The following VRTN variants were observed in gnomAD, a reference collection of about 807,000 sequenced individuals.
VRTN encodes vertebrae development associated, also known as vertnin.
VRTN carries 5 observed loss-of-function variants against 18.2 expected under a neutral mutation model. The observed-to-expected ratio is 0.27, with a 90% CI of 0.14 to 0.58. VRTN has a LOEUF of 0.58. Among genes scored for constraint, VRTN ranks in the 20% least tolerant of loss-of-function variants. VRTN has a pLI of 0.91. For missense variants in VRTN, 741 were observed against 939.4 expected (o/e 0.79, Z 2.76); for synonymous variants, 381 against 393.7 (o/e 0.97, Z 0.38).
intron 1 of VRTN, among the ~76,000 whole-genome samples, chr14:74,350,210 C>T (rs920852271): frequency 6.6e-6 from 1 of 152,158 alleles, no homozygotes; most frequent in Non-Finnish European, 1.5e-5. Context: ...CGGCCCTATT[C>T]TCTGGTGGGC....
At chr14:74,350,844 G>T (rs1282700924) in intron 1 of VRTN, among the ~76,000 whole-genome samples, 1 of 152,210 alleles carries the variant, frequency 6.6e-6, no homozygotes, top group Non-Finnish European at 1.5e-5. Flanking sequence ...AACTCCAAAT[G>T]CTTGAGGGTG....
chr14:74,320,475 G>A (rs991375908), intron 1 of VRTN, among the ~76,000 whole-genome samples: 5 of 147,854 alleles, frequency 3.4e-5, no homozygotes, highest in East Asian at 2.0e-4. Flanking sequence ...TGTTAGCCAG[G>A]ATGGTCTCGA....
chr14:74,310,874 G>T (rs1316114368), intron 1 of VRTN, among the ~76,000 whole-genome samples: 1 of 151,660 alleles, frequency 6.6e-6, no homozygotes, highest in Non-Finnish European at 1.5e-5. Flanking sequence ...AATTTGGGGG[G>T]GTAAAGACAG....
At chr14:74,325,605 C>T (rs958545893) in intron 1 of VRTN, among the ~76,000 whole-genome samples, 2 of 151,956 alleles carry the variant, frequency 1.3e-5, no homozygotes, top group East Asian at 1.9e-4. Context: ...CCCAAAATTT[C>T]GAGAACAGCC....
chr14:74,358,432 G>T lies in VRTN; in HGVS notation c.1649G>T (p.Gly550Val), dbSNP rs770918659. 7.4e-6 allele frequency: 12 copies of T among 1,614,066 alleles called. No individual in the cohort carries two copies. Among genetic ancestry groups the T allele is most frequent in the Non-Finnish European group, 1.0e-5 (12 of 1,180,044 alleles). The change falls in exon 2 of 2, where the codon GGT becomes GTT. Residue 550 changes from glycine to valine, a missense_variant. Physicochemically the swap from Gly to Val is moderately radical, Grantham distance 109. Transcript: ENST00000256362. The surrounding 1 kb of genome is among the most constrained non-coding windows in gnomAD (Gnocchi z 5.4). The part of the protein sequence containing the change: ...AFWVWKSLAR[G>V]WPRGLSKLQV... ...TGGGTCTGGAAGAGTCTTGCTCGGG[G>T]TTGGCCCAGAGGCCTGTCCAAACTT... is the stretch of plus-strand genomic sequence containing the variant.
chr14:74,353,148 G>A (rs1166127543), intron 1 of VRTN, among the ~76,000 whole-genome samples: 1 of 152,078 alleles, frequency 6.6e-6, no homozygotes, highest in East Asian at 1.9e-4. Flanking sequence ...CATAAGCTGG[G>A]CGTGGTGGCA....
chr14:74,349,610 A>G (rs1195261191), intron 1 of VRTN, among the ~76,000 whole-genome samples: 4 of 152,234 alleles, frequency 2.6e-5, no homozygotes, highest in Non-Finnish European at 5.9e-5. Context: ...TCTAAAGACC[A>G]GGCCAGGCTC....
intron 1 of VRTN, among the ~76,000 whole-genome samples, chr14:74,317,729 G>T (rs1362624333): frequency 6.6e-6 from 1 of 152,280 alleles, no homozygotes; most frequent in South Asian, 2.1e-4. Flanking sequence ...GTGAACTTGG[G>T]AGGTGGAGGT....
At chr14:74,326,809 C>CG (rs397765421) in intron 1 of VRTN, among the ~76,000 whole-genome samples, 1 of 46 alleles carries the variant, frequency 0.022, no homozygotes, top group African/African-American at 0.062. Flanking sequence ...ATGGCCACGG[C>CG]TCAGGCCCAC....
At position 74,357,761 on chromosome 14, in the gene VRTN, G is replaced by A. The variant is rs765480679; in HGVS notation, c.978G>A (p.Arg326=). 1 of 1,613,138 alleles carries A rather than the reference G, an allele frequency of 6.2e-7. No homozygotes were observed. Among genetic ancestry groups the A allele is most frequent in the South Asian group, 1.1e-5 (1 of 91,076 alleles). The change falls in exon 2 of 2, where the codon CGG becomes CGA. Residue 326 remains arginine (R), a synonymous_variant. Coordinates refer to ENST00000256362, the MANE Select transcript of VRTN (RefSeq NM_018228.3). The surrounding 1 kb of genome is among the most constrained non-coding windows in gnomAD (Gnocchi z 7.8). ...AKHFLQDSFH[R]GGVVPLQQFL... ...ACTTCCTGCAGGACAGCTTCCACCG[G>A]GGGGGCGTCGTGCCACTTCAGCAGT...
At chr14:74,327,217 A>G (rs890290832) in intron 1 of VRTN, among the ~76,000 whole-genome samples, 1 of 152,238 alleles carries the variant, frequency 6.6e-6, no homozygotes, top group African/African-American at 2.4e-5. Context: ...CCACAGCCCA[A>G]GGTGAAATAT....
At chr14:74,304,111 A>G (rs1232306233) in intron 1 of VRTN, among the ~76,000 whole-genome samples, 1 of 151,706 alleles carries the variant, frequency 6.6e-6, no homozygotes, top group Non-Finnish European at 1.5e-5. Context: ...TTGGCTTTCC[A>G]AAGTGTTGGG....
chr14:74,317,774 C>T (rs2085426945), intron 1 of VRTN, among the ~76,000 whole-genome samples: 1 of 151,880 alleles, frequency 6.6e-6, no homozygotes, highest in African/African-American at 2.4e-5. Context: ...TATACTCCAG[C>T]CTGGAGGATA....
rs1419838940 is a variant in VRTN at position 74,358,031 on chromosome 14, C to G, written c.1248C>G (p.Asn416Lys). ...KLYLEHCISL[N>K]TLVPYRCFKR... is the part of the protein sequence containing the mutation. Reference sequence around the variant, plus strand: ...ACCTGGAGCATTGCATCTCCCTGAACACACTGGTACCCTATCGCTGCTTCA... The same window carrying G: ...ACCTGGAGCATTGCATCTCCCTGAAGACACTGGTACCCTATCGCTGCTTCA... Residue 416 changes from asparagine (N) to lysine (K), a missense_variant, in exon 2 of 2, where the codon AAC becomes AAG. Asn to Lys is a moderately conservative substitution (Grantham distance 94, BLOSUM62 0). This residue lies in a region of VRTN where 494 missense variants were observed against 546.5 expected (regional missense o/e 0.90). Transcript: ENST00000256362. This position sits in a 1 kb window ranked among gnomAD's most constrained non-coding sequence, Gnocchi z 5.4. 5.0e-6 allele frequency: 8 copies of G among 1,614,120 alleles called. No individual in the cohort carries two copies. The South Asian group carries it at 8.8e-5, about 18-fold the overall frequency.
chr14:74,344,331 T>G (rs552146166), upstream of VRTN, among the ~76,000 whole-genome samples: 1 of 143,488 alleles, frequency 7.0e-6, no homozygotes, highest in Admixed American at 7.3e-5. Context: ...AGAGGATTGC[T>G]TGATCAAGGT....
chr14:74,332,604 A>G (rs769248833), intron 1 of VRTN, among the ~76,000 whole-genome samples: 18 of 151,004 alleles, frequency 1.2e-4, no homozygotes, highest in Non-Finnish European at 2.4e-4. Flanking sequence ...TGATCTGCCC[A>G]CCTCGGCCTC....
At chr14:74,320,919 AAAAG>A (rs1252039392) in intron 1 of VRTN, among the ~76,000 whole-genome samples, 2 of 149,792 alleles carry the variant, frequency 1.3e-5, no homozygotes, top group East Asian at 1.9e-4. Flanking sequence ...AAAAAAAAAA[AAAAG>A]CAGCAGCAGC....
At chr14:74,327,367 C>G (rs2085494623) in intron 1 of VRTN, among the ~76,000 whole-genome samples, 1 of 152,182 alleles carries the variant, frequency 6.6e-6, no homozygotes, top group South Asian at 2.1e-4. Flanking sequence ...CTCAAACTCT[C>G]TTGCACAGTT....
intron 2 of VRTN, among the ~76,000 whole-genome samples, chr14:74,342,248 G>GA (rs35159504): frequency 0.45 from 64,159 of 143,196 alleles, 16,676 homozygotes; most frequent in African/African-American, 0.74. Context: ...CCCTGCTTCA[G>GA]AAAAAAAAAA....
Sources: gnomAD v4.1 joint callset for allele counts (sites outside exome capture counted in the v4.1 genomes callset) on GRCh38, gnomAD v4.1.1 for gene constraint, gnomAD v4.1.1 regional missense constraint, Gnocchi (gnomAD v3.1) non-coding constraint, MANE v1.5 for transcripts, NCBI Gene and HGNC (gene_info 2026-07-23, HGNC 2026-07-21) for gene names.